The following GORASP2 variants were observed in gnomAD, a reference collection of about 807,000 sequenced individuals.
The protein encoded by GORASP2 is golgi reassembly stacking protein 2, also known as Golgi reassembly-stacking protein 2.
In GORASP2, 22 loss-of-function variants were observed where a neutral mutation model predicts 45.7. The observed-to-expected ratio is 0.48, with a 90% CI of 0.34 to 0.69. The LOEUF (loss-of-function observed/expected upper bound fraction) is 0.69, where lower values mean the gene tolerates loss of function less well. Ranked by LOEUF, GORASP2 falls within the 30% of genes least tolerant of loss-of-function variation. The pLI is 0.01. For missense variants in GORASP2, 491 were observed against 562.7 expected (o/e 0.87, Z 1.29); for synonymous variants, 221 against 215.6 (o/e 1.02, Z -0.22).
At chr2:170,943,949 A>G (rs1274511427) in intron 1 of GORASP2, among the ~76,000 whole-genome samples, 1 of 152,176 alleles carries the variant, frequency 6.6e-6, no homozygotes, top group African/African-American at 2.4e-5. Flanking sequence ...GTGCTGGGAT[A>G]ACAAGTGTGA....
chr2:170,956,990 A>G (rs182640457), intron 7 of GORASP2, among the ~76,000 whole-genome samples: 3 of 152,348 alleles, frequency 2.0e-5, no homozygotes, highest in Non-Finnish European at 2.9e-5. Flanking sequence ...TGAAAACTGC[A>G]TATGTACTCT....
chr2:170,963,705 C>T (rs745673313), intron 9 of GORASP2, among the ~76,000 whole-genome samples: 10 of 152,088 alleles, frequency 6.6e-5, no homozygotes, highest in Admixed American at 2.0e-4. Context: ...GCAGTGGCAC[C>T]GATCTTGGCT....
chr2:170,937,932 C>CTATCA (rs752409724), intron 1 of GORASP2, among the ~76,000 whole-genome samples: 1 of 152,202 alleles, frequency 6.6e-6, no homozygotes, highest in Non-Finnish European at 1.5e-5. Flanking sequence ...AGTGCCAGCT[C>CTATCA]TATCACTTCA....
intron 7 of GORASP2, among the ~76,000 whole-genome samples, chr2:170,960,282 T>C (rs1337841715): frequency 6.6e-6 from 1 of 152,176 alleles, no homozygotes; most frequent in Non-Finnish European, 1.5e-5. Context: ...CCCAAAAAAC[T>C]TGAATGAATG....
At chr2:170,956,402 G>A (rs1353843940) in intron 6 of GORASP2, 34 bp from the exon 7 acceptor site, 3 of 1,562,774 alleles carry the variant, frequency 1.9e-6, no homozygotes, top group South Asian at 2.4e-5. Flanking sequence ...ATAAACTTAA[G>A]TAATCTTTGT....
chr2:170,949,836 G>T, intron 3 of GORASP2, 94 bp downstream of exon 3: 1 of 1,112,112 alleles, frequency 9.0e-7, no homozygotes, highest in Non-Finnish European at 1.3e-6. Flanking sequence ...AAGATTGTAA[G>T]GATATTATTA....
At chr2:170,956,062 A>G (rs974679124) in intron 6 of GORASP2, among the ~76,000 whole-genome samples, 1 of 152,246 alleles carries the variant, frequency 6.6e-6, no homozygotes, top group African/African-American at 2.4e-5. Flanking sequence ...AGTTAAAACA[A>G]ATAAACCAGC....
At chr2:170,937,065 C>T (rs1267019086) in intron 1 of GORASP2, among the ~76,000 whole-genome samples, 2 of 151,906 alleles carry the variant, frequency 1.3e-5, no homozygotes, top group East Asian at 1.9e-4. Flanking sequence ...AGAATTAGAC[C>T]GGCATGATGG....
intron 1 of GORASP2, among the ~76,000 whole-genome samples, chr2:170,930,127 A>AT (rs1390082373): frequency 3.9e-5 from 6 of 152,246 alleles, no homozygotes; most frequent in Admixed American, 6.5e-5. Context: ...GTGCAGAGAA[A>AT]TTTTTTTTAA....
intron 1 of GORASP2, among the ~76,000 whole-genome samples, chr2:170,937,791 C>G (rs1308635180): frequency 6.6e-6 from 1 of 152,022 alleles, no homozygotes; most frequent in Non-Finnish European, 1.5e-5. Flanking sequence ...CCAGCCTAGA[C>G]AGTAAAGTGA....
intron 1 of GORASP2, among the ~76,000 whole-genome samples, chr2:170,932,254 C>T (rs1703841883): frequency 1.3e-5 from 2 of 152,124 alleles, no homozygotes; most frequent in Admixed American, 1.3e-4. Context: ...CTTCTTCTTC[C>T]ACCCTTCTCT....
chr2:170,958,212 C>A (rs1307070711), intron 7 of GORASP2, among the ~76,000 whole-genome samples: 1 of 152,182 alleles, frequency 6.6e-6, no homozygotes, highest in Non-Finnish European at 1.5e-5. Context: ...CATCACCCAA[C>A]TTTATCAATT....
intron 3 of GORASP2, 80 bp downstream of exon 3, chr2:170,949,822 T>C (rs1400689115): frequency 2.0e-5 from 25 of 1,221,078 alleles, no homozygotes; most frequent in Non-Finnish European, 2.8e-5. Context: ...GTTTCTGGCT[T>C]AATAAGATTG....
intron 5 of GORASP2, 116 bp downstream of exon 5, chr2:170,951,574 TA>T (rs1037124277): frequency 1.1e-4 from 89 of 825,428 alleles, no homozygotes; most frequent in East Asian, 1.7e-4. Flanking sequence ...AGACTCCTCT[TA>T]AAAAAAAGGG....
intron 1 of GORASP2, among the ~76,000 whole-genome samples, chr2:170,942,948 G>A (rs893912868): frequency 7.9e-5 from 12 of 152,102 alleles, no homozygotes; most frequent in Non-Finnish European, 1.8e-4. Context: ...CTTTCTGAAC[G>A]CTTTACAGTA....
intron 1 of GORASP2, among the ~76,000 whole-genome samples, chr2:170,944,642 T>C (rs959367421): frequency 3.9e-5 from 6 of 152,204 alleles, no homozygotes; most frequent in African/African-American, 1.4e-4. Context: ...CTTTAAACTT[T>C]ATAAGGGTGG....
At chr2:170,931,137 T>C (rs1703813259) in intron 1 of GORASP2, among the ~76,000 whole-genome samples, 1 of 152,370 alleles carries the variant, frequency 6.6e-6, no homozygotes, top group Admixed American at 6.5e-5. Flanking sequence ...AGATGTGTTA[T>C]TAATCTATAC....
intron 1 of GORASP2, chr2:170,936,616 C>G: frequency 7.7e-7 from 1 of 1,297,622 alleles, no homozygotes; most frequent in Non-Finnish European, 1.0e-6. Flanking sequence ...TTTGTTCTCT[C>G]TTTTAAGCAT....
intron 5 of GORASP2, among the ~76,000 whole-genome samples, chr2:170,952,388 T>C (rs896177750): frequency 6.6e-6 from 1 of 152,256 alleles, no homozygotes; most frequent in Non-Finnish European, 1.5e-5. Context: ...TACAGAACAT[T>C]TTCGTCAGTC....
Sources: gnomAD v4.1 joint callset for allele counts (sites outside exome capture counted in the v4.1 genomes callset) on GRCh38, gnomAD v4.1.1 for gene constraint, MANE v1.5 for transcripts, NCBI Gene and HGNC (gene_info 2026-07-23, HGNC 2026-07-21) for gene names.